The following CFAP299 variants were observed in gnomAD, a reference collection of about 807,000 sequenced individuals.
The protein encoded by CFAP299 is cilia- and flagella-associated protein 299.
In CFAP299, 21 loss-of-function variants were observed where a neutral mutation model predicts 27.0. The ratio of observed to expected loss-of-function variants is 0.78; its 90% confidence interval spans 0.55 to 1.12. CFAP299 has a LOEUF of 1.12. CFAP299 is among the 50% of genes most tolerant of loss of function. The pLI, the probability that CFAP299 is intolerant of heterozygous loss-of-function variation, is 0.00. For missense variants in CFAP299, 310 were observed against 276.6 expected, an observed-to-expected ratio of 1.12 and a Z score of -0.86; for synonymous variants, 104 against 98.1, an observed-to-expected ratio of 1.06 and a Z score of -0.36.
At chr4:80,695,678 T>TC (rs1721043729) in intron 3 of CFAP299, among the ~76,000 whole-genome samples, 3 of 150,982 alleles carry the variant, frequency 2.0e-5, no homozygotes, top group African/African-American at 7.3e-5. Flanking sequence ...ATCATCCTTT[T>TC]TTTTTTTTTT....
At chr4:80,799,864 T>TATAATATATAA (rs1728268002) in intron 3 of CFAP299, among the ~76,000 whole-genome samples, 1 of 32,552 alleles carries the variant, frequency 3.1e-5, no homozygotes, top group South Asian at 1.2e-3. Context: ...TAAATATATA[T>TATAATATATAA]TATATATATT....
chr4:80,891,689 G>A (rs560763341), intron 4 of CFAP299, among the ~76,000 whole-genome samples: 1,574 of 110,272 alleles, frequency 0.014, 46 homozygotes, highest in African/African-American at 0.052. Context: ...TGGGTGCAGC[G>A]CACCAGCATG....
At chr4:80,650,215 G>A (rs375079686) in intron 3 of CFAP299, among the ~76,000 whole-genome samples, 1 of 151,638 alleles carries the variant, frequency 6.6e-6, no homozygotes, top group Non-Finnish European at 1.5e-5. Flanking sequence ...TGTGCATTGA[G>A]AAACACAATT....
At chr4:80,432,764 C>T (rs1350392624) in intron 2 of CFAP299, among the ~76,000 whole-genome samples, 1 of 151,794 alleles carries the variant, frequency 6.6e-6, no homozygotes. Context: ...TCTTCTAATC[C>T]ACCCACCTCG....
the CFAP299 span, among the ~76,000 whole-genome samples, chr4:80,321,690 C>A: frequency 6.6e-6 from 1 of 152,214 alleles, no homozygotes; most frequent in Admixed American, 6.5e-5. Context: ...GCGTTTTCAA[C>A]ATATCTTAGA....
intron 3 of CFAP299, among the ~76,000 whole-genome samples, chr4:80,643,649 A>G (rs906734114): frequency 3.9e-5 from 6 of 152,154 alleles, no homozygotes; most frequent in African/African-American, 1.4e-4. Context: ...GATTCATCCT[A>G]TATGATAAGG....
At chr4:80,588,286 C>T (rs1736549777) in intron 3 of CFAP299, among the ~76,000 whole-genome samples, 1 of 150,804 alleles carries the variant, frequency 6.6e-6, no homozygotes, top group Non-Finnish European at 1.5e-5. Flanking sequence ...ACCTGCAGGT[C>T]TGGAGCTGGG....
intron 3 of CFAP299, among the ~76,000 whole-genome samples, chr4:80,725,508 T>G (rs1421648686): frequency 1.3e-5 from 2 of 152,152 alleles, no homozygotes; most frequent in African/African-American, 4.8e-5. Flanking sequence ...ACCCTGTGGC[T>G]TTTTCCAAAG....
chr4:80,896,936 C>A lies in CFAP299; in HGVS notation c.476+26801C>A, dbSNP rs538900141. On this transcript the variant is annotated intron_variant, in intron 4 of 5. Coordinates refer to ENST00000358105, the MANE Select transcript of CFAP299 (RefSeq NM_152770.3). ...TCTGATTAAGGTGTGATTAATCAAT[C>A]ATTTGAGGGAAGTACGGGAAAGACT... Among the ~76,000 whole-genome samples the A allele has an allele frequency of 8.5e-5, 13 of 152,154 alleles. 1 individual carries two copies. The highest frequency in any genetic ancestry group is 3.1e-4 in the African/African-American group (13 of 41,514).
chr4:80,493,969 G>A (rs1249494034), intron 2 of CFAP299, among the ~76,000 whole-genome samples: 1 of 151,416 alleles, frequency 6.6e-6, no homozygotes, highest in Non-Finnish European at 1.5e-5. Context: ...TAGAGACGGG[G>A]TTTCACCTTG....
intron 3 of CFAP299, among the ~76,000 whole-genome samples, chr4:80,634,007 C>T (rs947271199): frequency 5.2e-5 from 5 of 96,740 alleles, no homozygotes; most frequent in Admixed American, 2.3e-4. Context: ...TTTTTTTTTA[C>T]GAAATCTAGC....
intron 4 of CFAP299, among the ~76,000 whole-genome samples, chr4:80,886,666 A>C (rs10005803): frequency 1 from 152,080 of 152,212 alleles, 75,974 homozygotes; most frequent in Non-Finnish European, 1. Flanking sequence ...CATCAATGCC[A>C]AGGCACTGAT....
At chr4:80,722,769 G>A (rs1000266404) in intron 3 of CFAP299, among the ~76,000 whole-genome samples, 7 of 151,862 alleles carry the variant, frequency 4.6e-5, no homozygotes, top group African/African-American at 1.5e-4. Context: ...GCGAGGTAGC[G>A]GGCGCCTGTA....
intron 3 of CFAP299, among the ~76,000 whole-genome samples, chr4:80,824,764 C>CA (rs1203348318): frequency 5.3e-5 from 8 of 151,900 alleles, no homozygotes; most frequent in Admixed American, 5.3e-4. Flanking sequence ...ATAATGAAGA[C>CA]AAAAAACAAA....
At chr4:80,530,826 CAT>C (rs1244092579) in intron 2 of CFAP299, among the ~76,000 whole-genome samples, 4 of 152,244 alleles carry the variant, frequency 2.6e-5, no homozygotes, top group East Asian at 1.9e-4. Flanking sequence ...AGAGTGAAAA[CAT>C]GTGCAAAGAC....
At chr4:80,713,665 A>G (rs1359423507) in intron 3 of CFAP299, among the ~76,000 whole-genome samples, 2 of 152,206 alleles carry the variant, frequency 1.3e-5, no homozygotes, top group African/African-American at 4.8e-5. Flanking sequence ...CCCCATGTTT[A>G]GAGATAGTCA....
At chr4:80,672,688 A>G (rs1035543069) in intron 3 of CFAP299, among the ~76,000 whole-genome samples, 1 of 152,084 alleles carries the variant, frequency 6.6e-6, no homozygotes, top group East Asian at 1.9e-4. Context: ...AGAGCCTGTT[A>G]TTGGTCTATT....
intron 2 of CFAP299, among the ~76,000 whole-genome samples, chr4:80,393,312 A>T (rs920731744): frequency 4.6e-5 from 7 of 152,202 alleles, no homozygotes; most frequent in African/African-American, 1.7e-4. Context: ...AAAAAGTTAC[A>T]GTAAGCTAAG....
intron 2 of CFAP299, among the ~76,000 whole-genome samples, chr4:80,482,898 G>A (rs1300483791): frequency 6.6e-6 from 1 of 152,130 alleles, no homozygotes; most frequent in African/African-American, 2.4e-5. Context: ...TTCCAAAGCA[G>A]GTGCTTTAAA....
Sources: allele counts gnomAD v4.1 joint callset (sites outside exome capture counted in the v4.1 genomes callset), GRCh38; gene constraint gnomAD v4.1.1; transcripts MANE v1.5; gene names NCBI Gene and HGNC (gene_info 2026-07-23, HGNC 2026-07-21).